The following SPATA17 variants were observed in gnomAD, a reference collection of about 807,000 sequenced individuals.
SPATA17 encodes spermatogenesis-associated protein 17.
A neutral mutation model predicts 62.2 loss-of-function variants in SPATA17; 53 were observed. The observed-to-expected ratio is 0.85, with a 90% CI of 0.68 to 1.07. The LOEUF is 1.07. Among genes scored for constraint, SPATA17 ranks in the 50% least tolerant of loss-of-function variants. The pLI, the probability that SPATA17 is intolerant of heterozygous loss-of-function variation, is 0.00. For missense variants in SPATA17, 466 were observed against 425.5 expected (o/e 1.10, Z -0.84); for synonymous variants, 146 against 146.8 (o/e 0.99, Z 0.04).
chr1:217,646,982 C>T lies in SPATA17; in HGVS notation c.69-1900C>T, dbSNP rs139716831. 1.7e-3 allele frequency among the ~76,000 whole-genome samples: 263 copies of T among 152,232 alleles called. 4 individuals are homozygous for T. In the East Asian group the frequency reaches 0.047, roughly 27 times the overall value. On this transcript the variant is annotated intron_variant, in intron 1 of 10. Transcript: ENST00000366933. Reference sequence around the variant, plus strand: ...GATTAAATGCCAGCTGTGACACTTACTAAAGATGTGACCTTGGGCATATGA... The same window carrying T: ...GATTAAATGCCAGCTGTGACACTTATTAAAGATGTGACCTTGGGCATATGA...
intron 5 of SPATA17, among the ~76,000 whole-genome samples, chr1:217,696,736 C>G (rs1236668076): frequency 6.6e-6 from 1 of 152,126 alleles, no homozygotes; most frequent in African/African-American, 2.4e-5. Context: ...TTCACAGTAG[C>G]TGGACTTCAT....
chr1:217,800,340 G>A (rs955759261), intron 8 of SPATA17, among the ~76,000 whole-genome samples: 1 of 151,626 alleles, frequency 6.6e-6, no homozygotes, highest in Non-Finnish European at 1.5e-5. Flanking sequence ...GATGCAATCA[G>A]TCTTCTGAAG....
At chr1:217,670,139 G>C (rs1379632988) in intron 4 of SPATA17, among the ~76,000 whole-genome samples, 5 of 152,128 alleles carry the variant, frequency 3.3e-5, no homozygotes, top group Non-Finnish European at 7.4e-5. Flanking sequence ...ACTTTCGTCT[G>C]GGAATTTCAG....
chr1:217,869,388 G>A lies in SPATA17; in HGVS notation c.*2369G>A, dbSNP rs1469226408. On this transcript the variant is annotated 3_prime_UTR_variant, in exon 11 of 11. Transcript: ENST00000366933. ...TGAAGCCTCCAGGTGGCAGACTTCA[G>A]AGAGCATAGATTGTAAATGTTTCTT... 1 of 152,140 alleles carries A rather than the reference G, an allele frequency of 6.6e-6. No homozygotes were observed. The highest frequency in any genetic ancestry group is 2.4e-5 in the African/African-American group (1 of 41,440). The allele number at this position is 152,140 out of a possible 1,614,324, so 9.4% of individuals were successfully genotyped here.
At chr1:217,638,120 A>C (rs1669979498) in intron 1 of SPATA17, among the ~76,000 whole-genome samples, 1 of 152,046 alleles carries the variant, frequency 6.6e-6, no homozygotes. Context: ...TAATTGAAAA[A>C]TTTTTTGGCT....
intron 7 of SPATA17, 151 bp downstream of exon 7, chr1:217,774,688 T>A (rs971220954): frequency 1.5e-6 from 1 of 659,326 alleles, no homozygotes; most frequent in Non-Finnish European, 2.5e-6. Flanking sequence ...CAGCTGTCGC[T>A]AGAACTCTTT....
At chr1:217,638,410 A>C (rs1253975447) in intron 1 of SPATA17, among the ~76,000 whole-genome samples, 1 of 152,202 alleles carries the variant, frequency 6.6e-6, no homozygotes, top group Non-Finnish European at 1.5e-5. Flanking sequence ...TTAATTCAAA[A>C]GCAAAACAAA....
chr1:217,635,398 C>G (rs960113565), intron 1 of SPATA17, among the ~76,000 whole-genome samples: 1 of 152,042 alleles, frequency 6.6e-6, no homozygotes, highest in South Asian at 2.1e-4. Context: ...CCCTTTAGGT[C>G]TTAGGTAGAT....
chr1:217,746,033 TCTTTA>T (rs1201029239), intron 6 of SPATA17, among the ~76,000 whole-genome samples: 1 of 152,050 alleles, frequency 6.6e-6, no homozygotes, highest in Non-Finnish European at 1.5e-5. Context: ...TTTAAAATAT[TCTTTA>T]CTTAGTTGTT....
chr1:217,697,269 C>T (rs1671480983), intron 5 of SPATA17, among the ~76,000 whole-genome samples: 1 of 152,184 alleles, frequency 6.6e-6, no homozygotes, highest in South Asian at 2.1e-4. Context: ...GCGTGAGTCG[C>T]CGAGACTGGC....
chr1:217,656,545 T>G (rs1407570550), intron 3 of SPATA17, among the ~76,000 whole-genome samples: 1 of 144,772 alleles, frequency 6.9e-6, no homozygotes, highest in African/African-American at 2.6e-5. Flanking sequence ...ATAGGTCTGA[T>G]ATATGTATGT....
At chr1:217,747,654 T>C (rs1022860565) in intron 6 of SPATA17, among the ~76,000 whole-genome samples, 8 of 152,278 alleles carry the variant, frequency 5.3e-5, no homozygotes, top group Non-Finnish European at 8.8e-5. Context: ...AGTATAACTA[T>C]GCATATTTTA....
chr1:217,696,470 C>T (rs577922316), intron 5 of SPATA17, among the ~76,000 whole-genome samples: 4 of 152,332 alleles, frequency 2.6e-5, no homozygotes, highest in Admixed American at 6.5e-5. Flanking sequence ...GCTCCGCTCA[C>T]GCTGGGAGCT....
intron 9 of SPATA17, among the ~76,000 whole-genome samples, chr1:217,830,898 T>C (rs1675125919): frequency 2.6e-5 from 4 of 152,134 alleles, no homozygotes; most frequent in African/African-American, 9.7e-5. Flanking sequence ...GATAATTTGA[T>C]AGCTTGGGCA....
At position 217,782,319 on chromosome 1, in the gene SPATA17, A is replaced by G. The variant is rs754908649; in HGVS notation, c.869A>G (p.Asn290Ser). 3.1e-6 allele frequency: 5 copies of G among 1,602,518 alleles called. No homozygotes were observed. The highest frequency in any genetic ancestry group is 1.8e-5 in the Admixed American group (1 of 57,062). ...REEWLQNVND[N>S]MFLPFSSYHK... ...GAATGGCTGCAAAATGTAAATGACA[A>G]TATGTGAGTTCTTAGCTTAACAAAA... is the stretch of plus-strand genomic sequence containing the variant. The change falls in exon 8 of 11, where the codon AAT (asparagine) becomes AGT (serine). Residue 290 changes from asparagine to serine, a missense_variant. Asn to Ser is a conservative substitution (Grantham distance 46, BLOSUM62 1). Coordinates refer to ENST00000366933, the MANE Select transcript of SPATA17 (RefSeq NM_138796.4).
rs1372439930 is a variant in SPATA17, at chr1:217,664,773, T to C, written c.241-4260T>C. Among the ~76,000 whole-genome samples the C allele has an allele frequency of 2.0e-5, 3 of 152,160 alleles. No individual in the cohort carries two copies. In the East Asian group the frequency reaches 5.8e-4, roughly 29 times the overall value. On this transcript the variant is annotated intron_variant, in intron 3 of 10. Coordinates refer to ENST00000366933, the MANE Select transcript of SPATA17 (RefSeq NM_138796.4). ...TTATTTATTTATTTAAAGAAGTTCA[T>C]CCTACTGGTTTGAAATGGTTTGAAA...
chr1:217,660,057 C>G (rs1178760127), intron 3 of SPATA17, among the ~76,000 whole-genome samples: 1 of 152,152 alleles, frequency 6.6e-6, no homozygotes, highest in Non-Finnish European at 1.5e-5. Flanking sequence ...TGCCATTGCC[C>G]AAATATGCAG....
intron 9 of SPATA17, among the ~76,000 whole-genome samples, chr1:217,817,578 A>G (rs1208567963): frequency 6.6e-6 from 1 of 152,010 alleles, no homozygotes; most frequent in Non-Finnish European, 1.5e-5. Context: ...GAACTAATAC[A>G]GATGGTGATG....
intron 3 of SPATA17, among the ~76,000 whole-genome samples, chr1:217,652,581 C>G (rs1270012823): frequency 6.6e-6 from 1 of 151,976 alleles, no homozygotes; most frequent in South Asian, 2.1e-4. Context: ...TTAAAAACAT[C>G]ATTTTAAAAA....
Sources: gnomAD v4.1 joint callset for allele counts (sites outside exome capture counted in the v4.1 genomes callset) on GRCh38, gnomAD v4.1.1 for gene constraint, MANE v1.5 for transcripts, NCBI Gene and HGNC (gene_info 2026-07-23, HGNC 2026-07-21) for gene names.